The following CNKSR2 variants were observed in gnomAD, a reference collection of about 807,000 sequenced individuals.
CNKSR2 encodes the protein CNK homolog protein 2.
CNKSR2 carries 14 observed loss-of-function variants against 84.4 expected under a neutral mutation model. The observed-to-expected ratio is 0.17, with a 90% CI of 0.11 to 0.26. The LOEUF (loss-of-function observed/expected upper bound fraction) is 0.26. Ranked by LOEUF, CNKSR2 falls within the 10% of genes least tolerant of loss-of-function variation. The pLI, the probability that CNKSR2 is intolerant of heterozygous loss-of-function variation, is 1.00. For missense variants in CNKSR2, 485 were observed against 771.2 expected (o/e 0.63, Z 4.40); for synonymous variants, 275 against 277.9 (o/e 0.99, Z 0.10).
chrX:21,566,238 T>G (rs1353339035), intron 13 of CNKSR2, among the ~76,000 whole-genome samples: 2 of 112,275 alleles, frequency 1.8e-5, no homozygotes, highest in Non-Finnish European at 3.8e-5. Flanking sequence ...GCCGCTGTTA[T>G]AAAACACAAA....
chrX:21,374,893 T>C lies in CNKSR2; in HGVS notation c.-5T>C. The C allele has an allele frequency of 8.3e-7, 1 of 1,208,177 alleles. No individual in the cohort carries two copies. Among genetic ancestry groups the C allele is most frequent in the East Asian group, 3.0e-5 (1 of 33,806 alleles). On this transcript the variant is annotated 5_prime_UTR_variant, in exon 1 of 22. Transcript: ENST00000379510. ...TGCGCTCTGCACGGAACCGACCCCGTACCCATGGCTCTGATAATGGAACCG... is the reference window on the plus strand; with the variant it reads ...TGCGCTCTGCACGGAACCGACCCCGCACCCATGGCTCTGATAATGGAACCG...
At chrX:21,641,350 A>G (rs1193669792) in intron 20 of CNKSR2, among the ~76,000 whole-genome samples, 1 of 112,141 alleles carries the variant, frequency 8.9e-6, no homozygotes. Flanking sequence ...TTTATGGCCA[A>G]GTAGACTTGC....
In CNKSR2 at chrX:21,473,904, G is replaced by A. The variant is rs185698826; in HGVS notation, c.561+3097G>A. Among the ~76,000 whole-genome samples, 584 of 106,738 alleles carry A rather than the reference G, an allele frequency of 5.5e-3. 1 individual carries two copies. The highest frequency in any genetic ancestry group is 0.019 in the African/African-American group (558 of 28,850). The allele number at this position is 106,738 out of a possible 115,157, so 92.7% of individuals were successfully genotyped here. A position where few individuals can be genotyped will look rare whatever the true frequency, so the allele number is the denominator to read the frequency against. On this transcript the variant is annotated intron_variant, in intron 5 of 21. Transcript: ENST00000379510. The stretch of plus-strand genomic sequence containing the variant: ...TGGGACTACAGGTGCCCACCACCAC[G>A]CCCGGCTAATTTTTTTTGTATTTTT...
chrX:21,618,327 C>A (rs1306896072), intron 20 of CNKSR2, among the ~76,000 whole-genome samples: 1 of 111,374 alleles, frequency 9.0e-6, no homozygotes, highest in African/African-American at 3.3e-5. Context: ...ATAACATAAT[C>A]TATTACACTC....
intron 4 of CNKSR2, among the ~76,000 whole-genome samples, chrX:21,456,530 A>G (rs1337743601): frequency 1.8e-5 from 2 of 111,562 alleles, no homozygotes; most frequent in Non-Finnish European, 3.8e-5. Flanking sequence ...ATGTTGTTGC[A>G]AGTGGGAGAA....
chrX:21,591,742 C>A (rs2092422219), intron 15 of CNKSR2: 1 of 110,050 alleles, frequency 9.1e-6, no homozygotes, highest in Non-Finnish European at 1.9e-5. Flanking sequence ...TTAAATTATT[C>A]TTATGATTTT....
intron 7 of CNKSR2, among the ~76,000 whole-genome samples, chrX:21,499,486 A>G (rs1473917916): frequency 9.0e-6 from 1 of 111,242 alleles, no homozygotes; most frequent in Non-Finnish European, 1.9e-5. Context: ...ATGGATCTCT[A>G]TATTGTCTCA....
intron 1 of CNKSR2, among the ~76,000 whole-genome samples, chrX:21,381,188 A>G (rs1261524998): frequency 7.2e-5 from 8 of 111,791 alleles, no homozygotes; most frequent in Non-Finnish European, 1.5e-4. Context: ...TAAAACAAAC[A>G]TGGATATTAT....
intron 15 of CNKSR2, chrX:21,593,385 G>C (rs2147254671): frequency 8.9e-6 from 1 of 111,835 alleles, no homozygotes; most frequent in Non-Finnish European, 1.9e-5. Context: ...AGCAGTGAAA[G>C]CAGTCATACA....
intron 1 of CNKSR2, among the ~76,000 whole-genome samples, chrX:21,408,368 A>T (rs1405739249): frequency 9.0e-6 from 1 of 111,539 alleles, no homozygotes; most frequent in Admixed American, 9.6e-5. Flanking sequence ...GTGTATTTAT[A>T]TGTATACAGA....
At chrX:21,499,212 C>T (rs1354409086) in intron 7 of CNKSR2, among the ~76,000 whole-genome samples, 1 of 111,907 alleles carries the variant, frequency 8.9e-6, no homozygotes, top group East Asian at 2.8e-4. Context: ...TTTATTTATT[C>T]ATTCATGTAT....
At chrX:21,453,146 C>T (rs772872921) in intron 4 of CNKSR2, among the ~76,000 whole-genome samples, 107 of 110,885 alleles carry the variant, frequency 9.6e-4, no homozygotes, top group Non-Finnish European at 1.4e-3. Context: ...AGACATGGAC[C>T]AACACTTCAA....
intron 13 of CNKSR2, among the ~76,000 whole-genome samples, chrX:21,577,640 A>G (rs2092327495): frequency 9.1e-6 from 1 of 110,053 alleles, no homozygotes; most frequent in African/African-American, 3.3e-5. Context: ...TTTTGCTCCC[A>G]TAATCACCCT....
At chrX:21,533,637 C>T (rs1227300835) in intron 11 of CNKSR2, among the ~76,000 whole-genome samples, 3 of 111,174 alleles carry the variant, frequency 2.7e-5, no homozygotes, top group Non-Finnish European at 5.7e-5. Context: ...AAATCTCCCC[C>T]GACTAGAATA....
chrX:21,608,695 T>G (rs1271499720), intron 19 of CNKSR2, among the ~76,000 whole-genome samples: 1 of 111,763 alleles, frequency 8.9e-6, no homozygotes, highest in Non-Finnish European at 1.9e-5. Flanking sequence ...CTACATGAAA[T>G]CAGGAATATG....
chrX:21,387,204 G>A (rs893031618), intron 1 of CNKSR2, among the ~76,000 whole-genome samples: 2 of 112,143 alleles, frequency 1.8e-5, no homozygotes, highest in Admixed American at 9.5e-5. Context: ...GCAGCGGGCT[G>A]GATGTGGTGT....
chrX:21,503,086 A>G (rs2091575865), intron 8 of CNKSR2, among the ~76,000 whole-genome samples: 1 of 111,873 alleles, frequency 8.9e-6, no homozygotes, highest in Non-Finnish European at 1.9e-5. Context: ...TAATAAAAAT[A>G]AAATTATTTA....
intron 13 of CNKSR2, among the ~76,000 whole-genome samples, chrX:21,589,604 G>GTGTCTA (rs2092408492): frequency 2.7e-5 from 3 of 111,875 alleles, no homozygotes; most frequent in Non-Finnish European, 3.8e-5. Flanking sequence ...ACTAACTGGA[G>GTGTCTA]CCAGTGATGT....
At chrX:21,544,999 T>G (rs1463389449) in intron 11 of CNKSR2, among the ~76,000 whole-genome samples, 2 of 111,140 alleles carry the variant, frequency 1.8e-5, no homozygotes, top group East Asian at 5.7e-4. Flanking sequence ...CAGGAGTTTT[T>G]TCCTACCCCA....
Sources: gnomAD v4.1 joint callset for allele counts (sites outside exome capture counted in the v4.1 genomes callset) on GRCh38, gnomAD v4.1.1 for gene constraint, MANE v1.5 for transcripts, NCBI Gene and HGNC (gene_info 2026-07-23, HGNC 2026-07-21) for gene names.